Variants in METAP1 observed in about 807,000 individuals in gnomAD.
METAP1 encodes methionine aminopeptidase 1.
A neutral mutation model predicts 53.8 loss-of-function variants in METAP1; 28 were observed. That is an observed-to-expected ratio of 0.52 (90% confidence interval 0.39 to 0.71). The LOEUF (loss-of-function observed/expected upper bound fraction) is 0.71, where lower values mean the gene tolerates loss of function less well. Among genes scored for constraint, METAP1 ranks in the 30% least tolerant of loss-of-function variants. The probability of loss-of-function intolerance (pLI) is 0.00; values close to 1 mark genes in which losing one functional copy is unlikely to be tolerated. For missense variants in METAP1, 389 were observed against 479.8 expected (o/e 0.81, Z 1.77); for synonymous variants, 181 against 165.7 (o/e 1.09, Z -0.71).
chr4:99,040,285 T>A (rs888270631), intron 5 of METAP1, among the ~76,000 whole-genome samples: 3 of 152,236 alleles, frequency 2.0e-5, no homozygotes, highest in African/African-American at 7.2e-5. Context: ...TAGTGGTTGG[T>A]ACTCATTAGG....
In METAP1 at chr4:98,995,824, C is replaced by T. The variant is rs1425222664; in HGVS notation, c.71C>T (p.Thr24Ile). The T allele has an allele frequency of 9.1e-6, 14 of 1,544,326 alleles. No homozygotes were observed. Among genetic ancestry groups the T allele is most frequent in the South Asian group, 1.2e-5 (1 of 83,694 alleles). ...AGTGAGGCCAAGCTCCAGTGTCCCA[C>T]TTGCATCAAGCTGGGCATCCAGGGC... is the stretch of plus-strand genomic sequence containing the variant. ...CSSEAKLQCP[T>I]CIKLGIQGSY... Residue 24 changes from threonine (T) to isoleucine (I), a missense_variant, in exon 1 of 11, where the codon ACT becomes ATT. Coordinates refer to ENST00000296411, the MANE Select transcript of METAP1 (RefSeq NM_015143.3).
intron 3 of METAP1, among the ~76,000 whole-genome samples, chr4:99,034,813 T>C (rs969014246): frequency 2.0e-5 from 3 of 152,202 alleles, no homozygotes; most frequent in Non-Finnish European, 2.9e-5. Context: ...TATTTTATTA[T>C]GATATATTTC....
At chr4:99,020,591 C>A (rs988196696) in intron 1 of METAP1, among the ~76,000 whole-genome samples, 4 of 152,086 alleles carry the variant, frequency 2.6e-5, no homozygotes, top group African/African-American at 9.7e-5. Flanking sequence ...TTTAGGGGAT[C>A]CCACTGGATA....
intron 1 of METAP1, among the ~76,000 whole-genome samples, chr4:99,002,855 T>C (rs1722987241): frequency 6.6e-6 from 1 of 152,144 alleles, no homozygotes; most frequent in South Asian, 2.1e-4. Context: ...CGGGCAGATA[T>C]CTTGCTACGA....
In METAP1 at chr4:99,005,287, G is replaced by GA. The variant is rs979002503; in HGVS notation, c.114+9429dup. Among the ~76,000 whole-genome samples the GA allele has an allele frequency of 1.7e-3, 250 of 150,496 alleles. 2 individuals are homozygous for GA. The highest frequency in any genetic ancestry group is 5.5e-3 in the African/African-American group (226 of 40,974). ...ACAAGGAACTCAAACAAATCAGCAA[G>GA]AAAAAAAAATCAAATAATCTCATCA... On this transcript the variant is annotated intron_variant, in intron 1 of 10. Transcript: ENST00000296411.
chr4:99,003,292 T>C (rs993803225), intron 1 of METAP1, among the ~76,000 whole-genome samples: 2 of 152,258 alleles, frequency 1.3e-5, no homozygotes. Context: ...TTAATGATTC[T>C]TCTGTGATTT....
intron 3 of METAP1, 73 bp downstream of exon 3, chr4:99,034,415 C>A: frequency 1.2e-6 from 1 of 866,982 alleles, no homozygotes; most frequent in South Asian, 1.4e-5. Context: ...AATTTGTTTT[C>A]CAGTAGTGAA....
intron 1 of METAP1, among the ~76,000 whole-genome samples, chr4:99,004,484 TACACACACACACA>T (rs1723081718): frequency 1.3e-5 from 1 of 75,384 alleles, no homozygotes. Context: ...CACACACACA[TACACACACACACA>T]CACACACACA....
intron 1 of METAP1, chr4:99,026,538 G>C (rs1260661656): frequency 2.8e-5 from 28 of 984,112 alleles, no homozygotes; most frequent in Non-Finnish European, 3.4e-5. Context: ...TGGGAAGTGT[G>C]GTGTTTGCCT....
intron 1 of METAP1, among the ~76,000 whole-genome samples, chr4:99,003,919 C>T (rs1723039312): frequency 6.6e-6 from 1 of 152,166 alleles, no homozygotes; most frequent in African/African-American, 2.4e-5. Context: ...CGAAGCTGCC[C>T]CTTTCCCACC....
intron 9 of METAP1, among the ~76,000 whole-genome samples, chr4:99,055,553 A>G (rs898397826): frequency 2.6e-5 from 4 of 152,244 alleles, no homozygotes; most frequent in African/African-American, 9.6e-5. Flanking sequence ...TGTCTGCGAT[A>G]GTATAGTCAC....
chr4:99,032,724 A>G lies in METAP1; in HGVS notation c.167-1506A>G, dbSNP rs117019065. On this transcript the variant is annotated intron_variant, in intron 2 of 10. Transcript: ENST00000296411. Reference sequence around the variant, plus strand: ...ATTCTTGAGGTTCATGTTTCAGACAAAATCACTTGATGCACTTCATAGCTG... The same window carrying G: ...ATTCTTGAGGTTCATGTTTCAGACAGAATCACTTGATGCACTTCATAGCTG... 3.2e-4 allele frequency among the ~76,000 whole-genome samples: 49 copies of G among 152,284 alleles called. No individual in the cohort carries two copies. The East Asian group carries it at 7.9e-3, about 25-fold the overall frequency.
At position 98,995,858 on chromosome 4, in the gene METAP1, C is replaced by A; in HGVS notation, c.105C>A (p.Phe35Leu). 1 of 1,541,432 alleles carries A rather than the reference C, an allele frequency of 6.5e-7. No individual in the cohort carries two copies. ...AGCTGGGCATCCAGGGCTCGTACTT[C>A]TGCTCGCAGGTAGGCGCCCGCTGCC... The part of the protein sequence containing the change: ...CIKLGIQGSY[F>L]CSQECFKGSW... The change falls in exon 1 of 11, where the codon TTC becomes TTA. Residue 35 changes from phenylalanine to leucine, a missense_variant. Coordinates refer to ENST00000296411, the MANE Select transcript of METAP1 (RefSeq NM_015143.3).
intron 6 of METAP1, among the ~76,000 whole-genome samples, chr4:99,042,584 T>A (rs1380893176): frequency 6.6e-6 from 1 of 152,142 alleles, no homozygotes; most frequent in Non-Finnish European, 1.5e-5. Context: ...TACCGTTTCT[T>A]AATTATACTA....
At chr4:99,060,299 C>G (rs1354103114) in intron 10 of METAP1, among the ~76,000 whole-genome samples, 2 of 150,526 alleles carry the variant, frequency 1.3e-5, no homozygotes, top group Non-Finnish European at 1.5e-5. Flanking sequence ...GTTCTGCTTT[C>G]TATCTCCATG....
chr4:99,006,078 AC>A, intron 1 of METAP1, among the ~76,000 whole-genome samples: 1 of 152,192 alleles, frequency 6.6e-6, no homozygotes, highest in East Asian at 1.9e-4. Context: ...GCTAGCTAGG[AC>A]TTGTTGTTAA....
chr4:99,045,083 T>G, intron 7 of METAP1, 96 bp from the exon 8 acceptor site: 1 of 1,292,094 alleles, frequency 7.7e-7, no homozygotes, highest in Non-Finnish European at 1.1e-6. Context: ...GAAGTTGTCT[T>G]TTTCATTAAG....
chr4:99,002,054 A>G (rs757378277), intron 1 of METAP1, among the ~76,000 whole-genome samples: 1 of 152,204 alleles, frequency 6.6e-6, no homozygotes, highest in Non-Finnish European at 1.5e-5. Flanking sequence ...TATACTGTTC[A>G]CTTAGTTTGT....
intron 1 of METAP1, among the ~76,000 whole-genome samples, chr4:99,006,885 CT>C (rs2110281130): frequency 6.6e-6 from 1 of 151,748 alleles, no homozygotes; most frequent in South Asian, 2.1e-4. Context: ...CTCAAAGTGT[CT>C]TTAAGTTGTT....
Sources: allele counts gnomAD v4.1 joint callset (sites outside exome capture counted in the v4.1 genomes callset), GRCh38; gene constraint gnomAD v4.1.1; transcripts MANE v1.5; gene names NCBI Gene and HGNC (gene_info 2026-07-23, HGNC 2026-07-21).